The following CACNB2 variants were observed in gnomAD, a reference collection of about 807,000 sequenced individuals.
CACNB2 encodes voltage-dependent L-type calcium channel subunit beta-2.
CACNB2 carries 42 observed loss-of-function variants against 73.3 expected under a neutral mutation model. The observed-to-expected ratio is 0.57, with a 90% CI of 0.45 to 0.74. CACNB2 has a LOEUF of 0.74. CACNB2 is among the 30% of genes least tolerant of loss of function. CACNB2 has a pLI of 0.00. For synonymous variants in CACNB2, 348 were observed against 310.3 expected (o/e 1.12, Z -1.28); for missense variants, 940 against 853.0 (o/e 1.10, Z -1.27).
chr10:18,313,433 A>T (rs954449248), intron 2 of CACNB2, among the ~76,000 whole-genome samples: 1 of 151,426 alleles, frequency 6.6e-6, no homozygotes, highest in Non-Finnish European at 1.5e-5. Context: ...AACCTGCCAG[A>T]TGTCTCCTGG....
At chr10:18,380,118 T>C (rs960428419) in intron 2 of CACNB2, among the ~76,000 whole-genome samples, 1 of 152,232 alleles carries the variant, frequency 6.6e-6, no homozygotes, top group Non-Finnish European at 1.5e-5. Context: ...TATCAGAAAC[T>C]TTACATTCTT....
chr10:18,531,049 G>A (rs1310249653), intron 10 of CACNB2, among the ~76,000 whole-genome samples: 1 of 152,122 alleles, frequency 6.6e-6, no homozygotes, highest in Non-Finnish European at 1.5e-5. Context: ...AGTTTTGTGT[G>A]TAGTAATTAT....
intron 2 of CACNB2, among the ~76,000 whole-genome samples, chr10:18,292,447 A>G (rs1488171498): frequency 1.3e-5 from 2 of 152,172 alleles, no homozygotes; most frequent in African/African-American, 4.8e-5. Flanking sequence ...CACGAGGTCA[A>G]GAGTTCGAGA....
intron 2 of CACNB2, among the ~76,000 whole-genome samples, chr10:18,353,447 C>T (rs956474319): frequency 1.3e-5 from 2 of 151,950 alleles, no homozygotes; most frequent in Non-Finnish European, 1.5e-5. Flanking sequence ...ATGAAACGTA[C>T]GTTTGTATGG....
intron 9 of CACNB2, among the ~76,000 whole-genome samples, chr10:18,521,741 C>T (rs1225746623): frequency 6.6e-6 from 1 of 152,154 alleles, no homozygotes; most frequent in Non-Finnish European, 1.5e-5. Context: ...AAATGGAAAC[C>T]TCAGAGTTTA....
At chr10:18,337,410 T>A (rs2041051400) in intron 2 of CACNB2, among the ~76,000 whole-genome samples, 1 of 152,128 alleles carries the variant, frequency 6.6e-6, no homozygotes, top group Non-Finnish European at 1.5e-5. Flanking sequence ...CCTACTTTTT[T>A]CTTTTATTTA....
At chr10:18,327,727 C>A (rs573911678) in intron 2 of CACNB2, among the ~76,000 whole-genome samples, 1 of 152,262 alleles carries the variant, frequency 6.6e-6, no homozygotes, top group Admixed American at 6.5e-5. Context: ...CCACGCCCAG[C>A]CCCAGTCATG....
intron 2 of CACNB2, among the ~76,000 whole-genome samples, chr10:18,152,727 AAAAAACAAAAAAC>A (rs1448573894): frequency 1.2e-4 from 14 of 116,866 alleles, no homozygotes; most frequent in South Asian, 2.5e-4. Context: ...AAAAAAAAAA[AAAAAACAAAAAAC>A]AAAACACTAG....
intron 2 of CACNB2, among the ~76,000 whole-genome samples, chr10:18,306,261 A>G (rs1365724622): frequency 6.6e-6 from 1 of 152,166 alleles, no homozygotes; most frequent in Non-Finnish European, 1.5e-5. Context: ...TATGGCCACA[A>G]TCACTTGAGG....
At chr10:18,266,516 GTT>G (rs59495303) in intron 2 of CACNB2, among the ~76,000 whole-genome samples, 7 of 147,802 alleles carry the variant, frequency 4.7e-5, no homozygotes, top group Non-Finnish European at 9.0e-5. Context: ...AGGTAGTATA[GTT>G]TTTTTTTTTT....
intron 2 of CACNB2, among the ~76,000 whole-genome samples, chr10:18,193,960 G>GA (rs1350340484): frequency 6.6e-6 from 1 of 151,978 alleles, no homozygotes; most frequent in East Asian, 1.9e-4. Context: ...AAGTGCTACA[G>GA]AAAAAAATAA....
chr10:18,490,025 A>C (rs2049317661), intron 3 of CACNB2, among the ~76,000 whole-genome samples: 1 of 152,062 alleles, frequency 6.6e-6, no homozygotes, highest in South Asian at 2.1e-4. Context: ...CCACAGGTGC[A>C]CACCACCACA....
At chr10:18,336,927 T>A (rs937468232) in intron 2 of CACNB2, among the ~76,000 whole-genome samples, 3 of 152,132 alleles carry the variant, frequency 2.0e-5, no homozygotes, top group Non-Finnish European at 4.4e-5. Context: ...TGAAAAGTAC[T>A]AAATTTTTTA....
Position 18,539,517 on chromosome 10 carries a change from C to T in CACNB2, c.1776C>T (p.Asp592=), listed in dbSNP as rs144182966. ...YASHRDHNHR[D]ETHGSSDHRH... ...CACACCGTGACCACAACCACAGAGA[C>T]GAGACCCACGGGAGCAGTGACCACA... Residue 592 remains aspartate (D), a synonymous_variant, in exon 14 of 14, where the codon GAC becomes GAT. Coordinates refer to ENST00000324631, the MANE Select transcript of CACNB2 (RefSeq NM_201596.3). 6.2e-6 allele frequency: 10 copies of T among 1,613,820 alleles called. No individual in the cohort carries two copies. Among genetic ancestry groups the T allele is most frequent in the Middle Eastern group, 3.3e-4 (2 of 6,084 alleles).
Position 18,539,535 on chromosome 10 carries a change from T to C in CACNB2, c.1794T>C (p.Ser598=), listed in dbSNP as rs34503140. ...HNHRDETHGS[S]DHRHRESRHR... is the part of the protein sequence containing the mutation. ...ACAGAGACGAGACCCACGGGAGCAG[T>C]GACCACAGACACAGGGAGTCCCGGC... is the stretch of plus-strand genomic sequence containing the variant. The change falls in exon 14 of 14, where the codon AGT becomes AGC. Residue 598 remains serine, a synonymous_variant. Transcript: ENST00000324631. 4.0e-3 allele frequency: 6,434 copies of C among 1,613,426 alleles called. 117 individuals carry two copies. The highest frequency in any genetic ancestry group is 0.035 in the South Asian group (3,214 of 91,010).
At chr10:18,262,600 T>C (rs912211025) in intron 2 of CACNB2, among the ~76,000 whole-genome samples, 2 of 152,184 alleles carry the variant, frequency 1.3e-5, no homozygotes, top group Non-Finnish European at 1.5e-5. Flanking sequence ...TGGGAATAAG[T>C]GTTACAAACT....
chr10:18,518,532 C>G lies in CACNB2; in HGVS notation c.885+116C>G, dbSNP rs951361546. On this transcript the variant is annotated intron_variant, in intron 8 of 13. Coordinates refer to ENST00000324631, the MANE Select transcript of CACNB2 (RefSeq NM_201596.3). ...ACAGCTTAAGGAGCCAACTTTAGAG[C>G]TTAGAGAGCTCACAGCAGCAAAGCC... The G allele has an allele frequency of 7.0e-5, 55 of 787,478 alleles. No individual in the cohort carries two copies. In the Middle Eastern group the frequency reaches 8.4e-4, roughly 12 times the overall value. 48.8% of individuals were successfully genotyped at this position (787,478 alleles called of 1,614,324 possible).
chr10:18,184,853 C>T (rs1020371988), intron 2 of CACNB2, among the ~76,000 whole-genome samples: 1 of 152,014 alleles, frequency 6.6e-6, no homozygotes, highest in Admixed American at 6.6e-5. Context: ...CATGCATTAG[C>T]TGTTTTTCCT....
chr10:18,503,363 A>G (rs61839305), intron 5 of CACNB2, among the ~76,000 whole-genome samples: 17,698 of 152,208 alleles, frequency 0.12, 1,332 homozygotes, highest in East Asian at 0.37. Flanking sequence ...TTGGGAGGCC[A>G]AAGCAGGTGG....
Sources: allele counts gnomAD v4.1 joint callset (sites outside exome capture counted in the v4.1 genomes callset), GRCh38; gene constraint gnomAD v4.1.1; transcripts MANE v1.5; gene names NCBI Gene and HGNC (gene_info 2026-07-23, HGNC 2026-07-21).